Variants in ELAPOR1 observed in about 807,000 individuals in gnomAD.
The protein encoded by ELAPOR1 is endosome/lysosome-associated apoptosis and autophagy regulator 1.
In ELAPOR1, 77 loss-of-function variants were observed where a neutral mutation model predicts 119.7. That is an observed-to-expected ratio of 0.64 (90% CI 0.54 to 0.78). The LOEUF is 0.78. ELAPOR1 is among the 30% of genes least tolerant of loss of function. ELAPOR1 has a pLI of 0.00. For missense variants in ELAPOR1, 1,115 were observed against 1,270.4 expected, an observed-to-expected ratio of 0.88 and a Z score of 1.86; for synonymous variants, 481 against 487.2, an observed-to-expected ratio of 0.99 and a Z score of 0.17.
intron 7 of ELAPOR1, among the ~76,000 whole-genome samples, chr1:109,183,605 C>T (rs11585326): frequency 0.59 from 63,880 of 108,768 alleles, 23,666 homozygotes; most frequent in Non-Finnish European, 0.67. Flanking sequence ...TCCTTCCTTC[C>T]TTCCATCCTT....
chr1:109,132,883 C>G (rs1401292503), intron 1 of ELAPOR1, among the ~76,000 whole-genome samples: 1 of 152,104 alleles, frequency 6.6e-6, no homozygotes, highest in Non-Finnish European at 1.5e-5. Flanking sequence ...TTAGGAAATA[C>G]CTCCGTCAAA....
At chr1:109,163,769 A>G (rs1266047611) in intron 2 of ELAPOR1, among the ~76,000 whole-genome samples, 1 of 152,162 alleles carries the variant, frequency 6.6e-6, no homozygotes, top group African/African-American at 2.4e-5. Flanking sequence ...AGTTAGGAGG[A>G]TATTGCAATG....
intron 1 of ELAPOR1, among the ~76,000 whole-genome samples, chr1:109,132,710 G>A (rs1649224138): frequency 6.6e-6 from 1 of 152,140 alleles, no homozygotes; most frequent in Admixed American, 6.6e-5. Context: ...CCTGAGATGA[G>A]TACAAAGGAC....
At chr1:109,201,011 C>A in intron 21 of ELAPOR1, 111 bp downstream of exon 21, 1 of 963,648 alleles carries the variant, frequency 1.0e-6, no homozygotes, top group Non-Finnish European at 1.5e-6. Flanking sequence ...CTGCTCCCCA[C>A]GCCCGATACA....
At chr1:109,173,620 T>G in intron 6 of ELAPOR1, 41 bp downstream of exon 6, 2 of 1,613,312 alleles carry the variant, frequency 1.2e-6, no homozygotes, top group South Asian at 2.2e-5. Flanking sequence ...GCTGTTGACT[T>G]TGCAGTCTCC....
At chr1:109,125,090 G>A (rs928417822) in intron 1 of ELAPOR1, among the ~76,000 whole-genome samples, 4 of 152,044 alleles carry the variant, frequency 2.6e-5, no homozygotes, top group African/African-American at 9.7e-5. Flanking sequence ...CAACATGCCT[G>A]GCTAATTTTT....
chr1:109,177,063 C>T (rs918474004), intron 7 of ELAPOR1, among the ~76,000 whole-genome samples: 1 of 144,818 alleles, frequency 6.9e-6, no homozygotes, highest in Non-Finnish European at 1.5e-5. Context: ...CCTTTCCCCC[C>T]TTTCTATTCC....
At chr1:109,149,991 G>A (rs184879958) in intron 1 of ELAPOR1, among the ~76,000 whole-genome samples, 1 of 152,330 alleles carries the variant, frequency 6.6e-6, no homozygotes, top group East Asian at 1.9e-4. Context: ...GCTTAGAGGT[G>A]CTCACTAGGG....
intron 3 of ELAPOR1, among the ~76,000 whole-genome samples, chr1:109,165,592 A>G (rs1570670358): frequency 6.6e-6 from 1 of 151,774 alleles, no homozygotes; most frequent in African/African-American, 2.4e-5. Context: ...CTTAAAAAAA[A>G]AAAAAAAAGA....
At chr1:109,147,248 A>G (rs1485863303) in intron 1 of ELAPOR1, among the ~76,000 whole-genome samples, 1 of 152,062 alleles carries the variant, frequency 6.6e-6, no homozygotes, top group African/African-American at 2.4e-5. Context: ...TCAAATGATA[A>G]CACAATTAAA....
chr1:109,181,876 C>T lies in ELAPOR1; in HGVS notation c.953-3169C>T, dbSNP rs575590535. Reference sequence around the variant, plus strand: ...GAGATGTGCAGTTGAGAGAACTTTCCAGCTCAGGCCAACAAGACTGCAATT... The same window carrying T: ...GAGATGTGCAGTTGAGAGAACTTTCTAGCTCAGGCCAACAAGACTGCAATT... On this transcript the variant is annotated intron_variant, in intron 7 of 21. Transcript: ENST00000369939. Among the ~76,000 whole-genome samples, 19 of 152,250 alleles carry T rather than the reference C, an allele frequency of 1.2e-4. No individual in the cohort carries two copies. The South Asian group carries it at 3.7e-3, about 30-fold the overall frequency.
At chr1:109,179,687 C>T (rs904736293) in intron 7 of ELAPOR1, among the ~76,000 whole-genome samples, 8 of 151,990 alleles carry the variant, frequency 5.3e-5, no homozygotes, top group African/African-American at 1.9e-4. Flanking sequence ...AGGTGGATCA[C>T]CTGAGGTCAG....
rs760194931 is a variant in ELAPOR1 at position 109,192,692 on chromosome 1, C to T, written c.1765C>T (p.Arg589Cys). Reference sequence around the variant, plus strand: ...TATGAATGGTGTGGCCTCCTACTGCCGTCCCTGTGCCCTAGAAGCCTCTGA... The same window carrying T: ...TATGAATGGTGTGGCCTCCTACTGCTGTCCCTGTGCCCTAGAAGCCTCTGA... ...NVMNGVASYC[R>C]PCALEASDVG... Residue 589 changes from arginine (R) to cysteine (C), a missense_variant, in exon 14 of 22, where the codon CGT becomes TGT. Transcript: ENST00000369939. 1.2e-5 allele frequency: 19 copies of T among 1,614,114 alleles called. No homozygotes were observed. The highest frequency in any genetic ancestry group is 4.4e-5 in the South Asian group (4 of 91,082).
At position 109,118,921 on chromosome 1, in the gene ELAPOR1, G is replaced by A. The variant is rs773854866; in HGVS notation, c.153+4585G>A. Among the ~76,000 whole-genome samples, 28 of 71,666 alleles carry A rather than the reference G, an allele frequency of 3.9e-4. No homozygotes were observed. In the Middle Eastern group the frequency reaches 0.016, roughly 41 times the overall value. 47.0% of individuals were successfully genotyped at this position (71,666 alleles called of 152,430 possible). A position where few individuals can be genotyped will look rare whatever the true frequency, so the allele number is the denominator to read the frequency against. On this transcript the variant is annotated intron_variant, in intron 1 of 21. Transcript: ENST00000369939. ...TCTTCTTTTTTTTTTTTTTTGAGAC[G>A]GAGTCTCGCTCTGATGCCCAGGCTG... is the stretch of plus-strand genomic sequence containing the variant.
chr1:109,199,494 A>G (rs1486398637), intron 18 of ELAPOR1, among the ~76,000 whole-genome samples: 1 of 152,244 alleles, frequency 6.6e-6, no homozygotes, highest in Non-Finnish European at 1.5e-5. Flanking sequence ...CACCCCGAGG[A>G]AGCTGCATCA....
chr1:109,167,117 C>A (rs1255388181), intron 3 of ELAPOR1, among the ~76,000 whole-genome samples: 1 of 152,184 alleles, frequency 6.6e-6, no homozygotes, highest in East Asian at 1.9e-4. Flanking sequence ...TTAAGACAAC[C>A]AACTCCCATT....
chr1:109,204,172 C>T lies in ELAPOR1; in HGVS notation c.*1160C>T, dbSNP rs1654357105. The T allele has an allele frequency of 6.6e-6, 1 of 152,250 alleles. No individual in the cohort carries two copies. The highest frequency in any genetic ancestry group is 2.1e-4 in the South Asian group (1 of 4,834). The allele number at this position is 152,250 out of a possible 1,614,324, so 9.4% of individuals were successfully genotyped here. ...TCCTGGGCTCAAGTGATCTGTCCGC[C>T]TCAGCCTCCCAAACTGCTGGGATTA... On this transcript the variant is annotated 3_prime_UTR_variant, in exon 22 of 22. Transcript: ENST00000369939.
At chr1:109,180,393 G>C (rs1468476116) in intron 7 of ELAPOR1, among the ~76,000 whole-genome samples, 2 of 152,100 alleles carry the variant, frequency 1.3e-5, no homozygotes, top group East Asian at 3.9e-4. Context: ...TGTAGTCTCA[G>C]CTACTGGGGA....
At chr1:109,181,553 G>A (rs1014811950) in intron 7 of ELAPOR1, among the ~76,000 whole-genome samples, 1 of 152,168 alleles carries the variant, frequency 6.6e-6, no homozygotes, top group African/African-American at 2.4e-5. Flanking sequence ...CCCAGAGCTA[G>A]GATGTCAGAT....
Sources: allele counts gnomAD v4.1 joint callset (sites outside exome capture counted in the v4.1 genomes callset), GRCh38; gene constraint gnomAD v4.1.1; transcripts MANE v1.5; gene names NCBI Gene and HGNC (gene_info 2026-07-23, HGNC 2026-07-21).